Variants in AKAP6 observed in about 807,000 individuals in gnomAD.
AKAP6 encodes A-kinase anchoring protein 6, also known as A-kinase anchor protein 6.
A neutral mutation model predicts 188.5 loss-of-function variants in AKAP6; 58 were observed. That is an observed-to-expected ratio of 0.31 (90% CI 0.25 to 0.38). The LOEUF (loss-of-function observed/expected upper bound fraction) is 0.38. AKAP6 is among the 10% of genes least tolerant of loss of function. AKAP6 has a pLI of 1.00. For missense variants in AKAP6, 2,710 were observed against 2,740.0 expected, an observed-to-expected ratio of 0.99 and a Z score of 0.24; for synonymous variants, 989 against 998.6, an observed-to-expected ratio of 0.99 and a Z score of 0.18.
chr14:32,357,166 T>C (rs768740489), intron 1 of AKAP6, among the ~76,000 whole-genome samples: 20 of 152,208 alleles, frequency 1.3e-4, no homozygotes, highest in Non-Finnish European at 2.4e-4. Context: ...AAAAAATCAC[T>C]GTCATATAGT....
Position 32,822,362 on chromosome 14 carries a change from G to C in AKAP6, c.4549G>C (p.Glu1517Gln). 6.2e-7 allele frequency: 1 copy of C among 1,613,944 alleles called. No homozygotes were observed. The highest frequency in any genetic ancestry group is 8.5e-7 in the Non-Finnish European group (1 of 1,179,946). Residue 1517 changes from glutamate to glutamine, a missense_variant, in exon 13 of 14, where the codon GAG (glutamate) becomes CAG (glutamine). Glu to Gln is a conservative substitution (Grantham distance 29). Around this residue, in one of 2 missense-constraint regions of AKAP6, gnomAD observed 2,473 missense variants for 2,426.1 expected, o/e 1.02. Transcript: ENST00000280979. ...KSCKSKHQTTELQPDVPPHER... is the reference protein window; with the variant it reads ...KSCKSKHQTTQLQPDVPPHER... ...ATGCAAATCTAAACATCAGACTACA[G>C]AGTTACAACCAGATGTACCTCCCCA...
chr14:32,768,489 C>G (rs1434570704), intron 11 of AKAP6, among the ~76,000 whole-genome samples: 1 of 152,088 alleles, frequency 6.6e-6, no homozygotes, highest in Non-Finnish European at 1.5e-5. Flanking sequence ...TGGAGATCAT[C>G]AAGAAAATAC....
chr14:32,473,315 C>G (rs1460749475), intron 2 of AKAP6, among the ~76,000 whole-genome samples: 5 of 152,116 alleles, frequency 3.3e-5, no homozygotes, highest in African/African-American at 9.7e-5. Flanking sequence ...AGAGGCTGCC[C>G]ACAGCCTCAC....
rs2034583944 is a variant in AKAP6, at chr14:32,823,344, A to C, written c.5531A>C (p.Asn1844Thr). 1 of 1,613,854 alleles carries C rather than the reference A, an allele frequency of 6.2e-7. No homozygotes were observed. The highest frequency in any genetic ancestry group is 8.5e-7 in the Non-Finnish European group (1 of 1,179,886). ...ATGACCAATCCCTCTGATACTCTGA[A>C]TATTGAGACCCTTCTAAATGGCTCT... ...SEMTNPSDTL[N>T]IETLLNGSVK... Residue 1844 changes from asparagine to threonine, a missense_variant, in exon 13 of 14, where the codon AAT becomes ACT. Asn to Thr is a moderately conservative substitution (Grantham distance 65). Coordinates refer to ENST00000280979, the MANE Select transcript of AKAP6 (RefSeq NM_004274.5).
At chr14:32,727,132 AT>A (rs2030913043) in intron 9 of AKAP6, among the ~76,000 whole-genome samples, 1 of 152,220 alleles carries the variant, frequency 6.6e-6, no homozygotes, top group Non-Finnish European at 1.5e-5. Context: ...TTTACAGGGT[AT>A]GATCAAGATA....
chr14:32,749,938 T>C (rs1036666373), intron 11 of AKAP6, among the ~76,000 whole-genome samples: 12 of 152,224 alleles, frequency 7.9e-5, no homozygotes, highest in African/African-American at 2.2e-4. Context: ...GTTTTCCACA[T>C]TGTATTATTT....
In AKAP6 at chr14:32,823,129, T is replaced by C. The variant is rs1289576164; in HGVS notation, c.5316T>C (p.Asp1772=). The C allele has an allele frequency of 1.2e-6, 2 of 1,613,604 alleles. No individual in the cohort carries two copies. The highest frequency in any genetic ancestry group is 1.7e-5 in the Admixed American group (1 of 59,894). The part of the protein sequence containing the change: ...TLTEEELCIK[D]EDDDSSIATD... ...CTGAAGAAGAGCTGTGCATCAAAGATGAGGATGACGACTCCAGTATTGCAA... is the reference window on the plus strand; with the variant it reads ...CTGAAGAAGAGCTGTGCATCAAAGACGAGGATGACGACTCCAGTATTGCAA... The change falls in exon 13 of 14, where the codon GAT becomes GAC. Residue 1772 remains aspartate (D), a synonymous_variant. Transcript: ENST00000280979.
intron 1 of AKAP6, among the ~76,000 whole-genome samples, chr14:32,376,390 C>A (rs1434191700): frequency 6.6e-6 from 1 of 152,168 alleles, no homozygotes; most frequent in Non-Finnish European, 1.5e-5. Context: ...TCCTCCCCTG[C>A]AATATCATTA....
chr14:32,713,089 G>A, intron 9 of AKAP6, among the ~76,000 whole-genome samples: 1 of 152,186 alleles, frequency 6.6e-6, no homozygotes, highest in Non-Finnish European at 1.5e-5. Context: ...CATGAAAACA[G>A]TAGTAATCTC....
intron 4 of AKAP6, among the ~76,000 whole-genome samples, chr14:32,550,189 T>C (rs1883391680): frequency 6.6e-6 from 1 of 152,246 alleles, no homozygotes; most frequent in Non-Finnish European, 1.5e-5. Context: ...TCCACAGTTC[T>C]ACAAAAATGC....
chr14:32,761,515 A>G (rs2032536970), intron 11 of AKAP6, among the ~76,000 whole-genome samples: 1 of 152,144 alleles, frequency 6.6e-6, no homozygotes, highest in South Asian at 2.1e-4. Context: ...CCAACTACGT[A>G]TGGATGAGAG....
intron 2 of AKAP6, among the ~76,000 whole-genome samples, chr14:32,441,762 G>A (rs1450143462): frequency 1.3e-5 from 2 of 152,178 alleles, no homozygotes; most frequent in Non-Finnish European, 2.9e-5. Flanking sequence ...CTAACAGATT[G>A]TATAGCTGTG....
intron 8 of AKAP6, among the ~76,000 whole-genome samples, chr14:32,681,672 G>A (rs1226262698): frequency 7.1e-6 from 1 of 140,294 alleles, no homozygotes; most frequent in Non-Finnish European, 1.5e-5. Context: ...TCATTAATTT[G>A]ACAAATTTTT....
intron 9 of AKAP6, among the ~76,000 whole-genome samples, chr14:32,721,460 C>T (rs960884359): frequency 6.6e-6 from 1 of 152,182 alleles, no homozygotes; most frequent in African/African-American, 2.4e-5. Context: ...AACCTAACCA[C>T]ATAAATTCTA....
intron 1 of AKAP6, among the ~76,000 whole-genome samples, chr14:32,393,353 G>A (rs1888771494): frequency 6.6e-6 from 1 of 152,012 alleles, no homozygotes; most frequent in Non-Finnish European, 1.5e-5. Context: ...AAAATAACAG[G>A]CTGGTACACT....
At chr14:32,381,839 A>G (rs899030099) in intron 1 of AKAP6, among the ~76,000 whole-genome samples, 3 of 151,868 alleles carry the variant, frequency 2.0e-5, no homozygotes, top group Non-Finnish European at 4.4e-5. Flanking sequence ...GGCTCCTCAC[A>G]TTCTTCCTTT....
chr14:32,512,808 T>C (rs1461947336), intron 2 of AKAP6, among the ~76,000 whole-genome samples: 1 of 152,236 alleles, frequency 6.6e-6, no homozygotes, highest in Non-Finnish European at 1.5e-5. Flanking sequence ...AGCTGGATTC[T>C]GTGTTTTAAT....
chr14:32,577,308 T>A, intron 5 of AKAP6, 66 bp downstream of exon 5: 1 of 1,558,618 alleles, frequency 6.4e-7, no homozygotes, highest in Non-Finnish European at 8.6e-7. Context: ...CTTGTTTGTT[T>A]ATGAGAAATA....
At chr14:32,774,229 C>G (rs1594932820) in intron 12 of AKAP6, among the ~76,000 whole-genome samples, 1 of 152,208 alleles carries the variant, frequency 6.6e-6, no homozygotes, top group South Asian at 2.1e-4. Context: ...CATTCCTTCA[C>G]TAACAATATT....
Sources: allele counts gnomAD v4.1 joint callset (sites outside exome capture counted in the v4.1 genomes callset), GRCh38; gene constraint gnomAD v4.1.1; regional missense constraint gnomAD v4.1.1; transcripts MANE v1.5; gene names NCBI Gene and HGNC (gene_info 2026-07-23, HGNC 2026-07-21).